HSD17B2: variants seen among roughly 807,000 people sequenced by gnomAD.
The protein encoded by HSD17B2 is 17-beta-hydroxysteroid dehydrogenase type 2.
HSD17B2 carries 32 observed loss-of-function variants against 26.9 expected under a neutral mutation model. The observed-to-expected ratio is 1.19, with a 90% confidence interval of 0.90 to 1.60. The LOEUF is 1.60. Ranked by LOEUF, HSD17B2 falls within the 40% of genes most tolerant of loss-of-function variation. The pLI is 0.00. For missense variants in HSD17B2, 613 were observed against 468.6 expected, an observed-to-expected ratio of 1.31 and a Z score of -2.85; for synonymous variants, 246 against 186.7, an observed-to-expected ratio of 1.32 and a Z score of -2.59.
chr16:82,094,509 G>C (rs1904782846), intron 4 of HSD17B2: 1 of 152,186 alleles, frequency 6.6e-6, no homozygotes, highest in Non-Finnish European at 1.5e-5. Flanking sequence ...GAAAATTTGA[G>C]ATCAGATCCT....
At chr16:82,049,710 C>T (rs373039637) in intron 1 of HSD17B2, among the ~76,000 whole-genome samples, 2 of 152,232 alleles carry the variant, frequency 1.3e-5, no homozygotes, top group Non-Finnish European at 2.9e-5. Flanking sequence ...GCAGGTAATA[C>T]AAGAACACCC....
chr16:82,058,768 G>A (rs369420475), intron 1 of HSD17B2, among the ~76,000 whole-genome samples: 71 of 152,062 alleles, frequency 4.7e-4, no homozygotes, highest in Non-Finnish European at 8.4e-4. Context: ...CCTAAGTTAT[G>A]TTCCTATTAA....
intron 1 of HSD17B2, among the ~76,000 whole-genome samples, chr16:82,039,571 T>C (rs1046072727): frequency 6.6e-6 from 1 of 152,152 alleles, no homozygotes; most frequent in Admixed American, 6.5e-5. Flanking sequence ...ACCAGGAAAT[T>C]ACTGTCAAGC....
At chr16:82,060,634 A>G (rs1177326642) in intron 1 of HSD17B2, among the ~76,000 whole-genome samples, 1 of 152,244 alleles carries the variant, frequency 6.6e-6, no homozygotes, top group Non-Finnish European at 1.5e-5. Flanking sequence ...TTACTGATAG[A>G]TAGCAGATCT....
chr16:82,078,937 G>A (rs564240268), intron 3 of HSD17B2, among the ~76,000 whole-genome samples: 56 of 152,238 alleles, frequency 3.7e-4, no homozygotes, highest in African/African-American at 1.3e-3. Context: ...AAAATAGAAC[G>A]AATGAATAAG....
intron 3 of HSD17B2, among the ~76,000 whole-genome samples, chr16:82,078,700 G>T (rs1904317344): frequency 1.3e-5 from 2 of 152,192 alleles, no homozygotes; most frequent in South Asian, 4.1e-4. Context: ...GTAAAAGAAT[G>T]AGATATTGTC....
At chr16:82,082,308 T>C (rs1162878706) in intron 3 of HSD17B2, among the ~76,000 whole-genome samples, 1 of 152,070 alleles carries the variant, frequency 6.6e-6, no homozygotes, top group Non-Finnish European at 1.5e-5. Flanking sequence ...TGGGCAGAGG[T>C]AGCCAGAGTT....
intron 1 of HSD17B2, among the ~76,000 whole-genome samples, chr16:82,044,791 A>C (rs964330664): frequency 1.3e-5 from 2 of 152,148 alleles, no homozygotes; most frequent in Non-Finnish European, 2.9e-5. Flanking sequence ...GAAGTGGGGA[A>C]GAAGTGTTCC....
intron 3 of HSD17B2, among the ~76,000 whole-genome samples, chr16:82,082,394 T>C (rs1904407803): frequency 1.3e-5 from 2 of 152,160 alleles, no homozygotes; most frequent in African/African-American, 4.8e-5. Context: ...ATAGGTTTCT[T>C]TGCAGCTTTT....
At chr16:82,056,470 AAG>A (rs1475926395) in intron 1 of HSD17B2, 2 of 152,224 alleles carry the variant, frequency 1.3e-5, no homozygotes, top group Non-Finnish European at 2.9e-5. Context: ...GCCAGCCACA[AAG>A]AGGACCGATA....
chr16:82,061,226 C>G (rs1217213297), intron 1 of HSD17B2, among the ~76,000 whole-genome samples: 1 of 149,180 alleles, frequency 6.7e-6, no homozygotes, highest in Non-Finnish European at 1.5e-5. Context: ...CCACTGCACT[C>G]AAGCCTGGGT....
At chr16:82,063,816 A>G (rs1469557497) in intron 1 of HSD17B2, among the ~76,000 whole-genome samples, 1 of 152,038 alleles carries the variant, frequency 6.6e-6, no homozygotes, top group Non-Finnish European at 1.5e-5. Flanking sequence ...GTGGGCCAGG[A>G]CCTGGGGAAA....
chr16:82,082,122 C>G (rs780680041), intron 3 of HSD17B2, among the ~76,000 whole-genome samples: 26 of 152,186 alleles, frequency 1.7e-4, no homozygotes, highest in Admixed American at 2.6e-4. Flanking sequence ...TTGGCAACCT[C>G]ATTAACCCAT....
At chr16:82,085,933 C>G (rs1308935487) in intron 3 of HSD17B2, among the ~76,000 whole-genome samples, 1 of 148,384 alleles carries the variant, frequency 6.7e-6, no homozygotes, top group Non-Finnish European at 1.5e-5. Flanking sequence ...ATATAATATA[C>G]ACCCTAAGAT....
intron 4 of HSD17B2, chr16:82,095,575 C>T (rs959401714): frequency 6.6e-6 from 1 of 152,250 alleles, no homozygotes; most frequent in African/African-American, 2.4e-5. Flanking sequence ...ACTTTGAGGA[C>T]TCTTGCCTAC....
chr16:82,067,269 C>T (rs1914593178), intron 1 of HSD17B2, among the ~76,000 whole-genome samples: 1 of 152,184 alleles, frequency 6.6e-6, no homozygotes. Flanking sequence ...ATGACACAGG[C>T]AATGTGAAAT....
At chr16:82,057,696 G>A (rs2143953796) in intron 1 of HSD17B2, among the ~76,000 whole-genome samples, 1 of 152,326 alleles carries the variant, frequency 6.6e-6, no homozygotes, top group African/African-American at 2.4e-5. Flanking sequence ...GTGATGTGAT[G>A]AAATGGCATT....
At chr16:82,097,553 C>CCAAT (rs1904887290) in intron 4 of HSD17B2, 1 of 151,982 alleles carries the variant, frequency 6.6e-6, no homozygotes, top group Admixed American at 6.6e-5. Context: ...GTCACATGGG[C>CCAAT]TATCAGTTTG....
chr16:82,036,886 A>G (rs563536361), intron 1 of HSD17B2, among the ~76,000 whole-genome samples: 91 of 152,272 alleles, frequency 6.0e-4, no homozygotes, highest in African/African-American at 1.9e-3. Flanking sequence ...TGAAATTTGT[A>G]AGAGAGTCTC....
Sources: gnomAD v4.1 joint callset for allele counts (sites outside exome capture counted in the v4.1 genomes callset) on GRCh38, gnomAD v4.1.1 for gene constraint, MANE v1.5 for transcripts, NCBI Gene and HGNC (gene_info 2026-07-23, HGNC 2026-07-21) for gene names.